POFUT3: variants seen among roughly 807,000 people sequenced by gnomAD.
The protein encoded by POFUT3 is protein O-fucosyltransferase 3.
At chr8:33,332,086 T>C in the POFUT3 span, among the ~76,000 whole-genome samples, 2 of 149,068 alleles carry the variant, frequency 1.3e-5, no homozygotes, top group Non-Finnish European at 3.0e-5. Context: ...GAGGCTGCAG[T>C]GAGCTATGAT....
the POFUT3 span, among the ~76,000 whole-genome samples, chr8:33,430,324 C>A: frequency 6.6e-6 from 1 of 152,042 alleles, no homozygotes; most frequent in African/African-American, 2.4e-5. Flanking sequence ...GGTGACTTAA[C>A]CAGGGAGTGC....
At chr8:33,433,986 G>A in the POFUT3 span, among the ~76,000 whole-genome samples, 13 of 149,746 alleles carry the variant, frequency 8.7e-5, no homozygotes, top group East Asian at 7.9e-4. Context: ...AAAAAAAGCC[G>A]GGTGCAGCGG....
chr8:33,407,895 CGG>C, the POFUT3 span, among the ~76,000 whole-genome samples: 1 of 148,030 alleles, frequency 6.8e-6, no homozygotes, highest in Non-Finnish European at 1.5e-5. Flanking sequence ...CACAGCTACT[CGG>C]GATCGGCCTG....
the POFUT3 span, chr8:33,453,087 G>A: frequency 1.3e-5 from 12 of 895,436 alleles, no homozygotes; most frequent in African/African-American, 2.0e-4. Flanking sequence ...CAGAGCAAAT[G>A]CAAAGGAAAT....
chr8:33,315,974 G>A, the POFUT3 span, among the ~76,000 whole-genome samples: 6 of 152,088 alleles, frequency 3.9e-5, no homozygotes, highest in Non-Finnish European at 8.8e-5. Flanking sequence ...GGCATTTCCT[G>A]ATACTGTCTA....
chr8:33,320,838 G>A, the POFUT3 span, among the ~76,000 whole-genome samples: 1 of 152,038 alleles, frequency 6.6e-6, no homozygotes, highest in Non-Finnish European at 1.5e-5. Context: ...TCAGACAAAA[G>A]CTACAAGGCT....
chr8:33,329,459 G>A, the POFUT3 span, among the ~76,000 whole-genome samples: 1 of 152,170 alleles, frequency 6.6e-6, no homozygotes, highest in African/African-American at 2.4e-5. Flanking sequence ...GAGCTGGAAA[G>A]CTGGAAATTG....
the POFUT3 span, among the ~76,000 whole-genome samples, chr8:33,376,412 T>C: frequency 4.6e-5 from 7 of 152,208 alleles, no homozygotes. Flanking sequence ...GAGGAGATAC[T>C]AGGAGTATTT....
the POFUT3 span, among the ~76,000 whole-genome samples, chr8:33,376,443 T>C: frequency 6.6e-6 from 1 of 152,144 alleles, no homozygotes; most frequent in Non-Finnish European, 1.5e-5. Context: ...GGTGATGACT[T>C]TGAGTGAACA....
the POFUT3 span, among the ~76,000 whole-genome samples, chr8:33,464,071 T>C: frequency 6.6e-6 from 1 of 152,174 alleles, no homozygotes; most frequent in Non-Finnish European, 1.5e-5. Context: ...TAGATCCTCA[T>C]GAGGCCTAAT....
chr8:33,370,099 A>C, the POFUT3 span, among the ~76,000 whole-genome samples: 4 of 135,586 alleles, frequency 3.0e-5, no homozygotes, highest in Non-Finnish European at 4.7e-5. Flanking sequence ...TAGGAGGCCG[A>C]GGTGGGTGGG....
At chr8:33,428,102 G>A in the POFUT3 span, among the ~76,000 whole-genome samples, 1 of 152,066 alleles carries the variant, frequency 6.6e-6, no homozygotes. Context: ...CCAGCCTGGC[G>A]ACAGAGCGAG....
At chr8:33,420,327 G>A in the POFUT3 span, among the ~76,000 whole-genome samples, 1,997 of 152,236 alleles carry the variant, frequency 0.013, 19 homozygotes, top group Middle Eastern at 0.02. Context: ...ATGTTGAGCA[G>A]TATTTTCAAA....
chr8:33,406,760 T>C, the POFUT3 span, among the ~76,000 whole-genome samples: 3 of 152,066 alleles, frequency 2.0e-5, no homozygotes, highest in Admixed American at 6.6e-5. Context: ...GACAGAGGTC[T>C]TGCCATGTTA....
chr8:33,405,477 G>A, the POFUT3 span, among the ~76,000 whole-genome samples: 4 of 150,578 alleles, frequency 2.7e-5, no homozygotes, highest in African/African-American at 9.9e-5. Context: ...TTGGCATTCA[G>A]TTATTCTTTA....
At chr8:33,323,879 A>ATGCTTTAG in the POFUT3 span, among the ~76,000 whole-genome samples, 1 of 152,144 alleles carries the variant, frequency 6.6e-6, no homozygotes, top group Non-Finnish European at 1.5e-5. Flanking sequence ...CCCCTCTTTC[A>ATGCTTTAG]TGCTTTAGTT....
the POFUT3 span, among the ~76,000 whole-genome samples, chr8:33,374,747 T>C: frequency 6.6e-6 from 1 of 152,198 alleles, no homozygotes; most frequent in African/African-American, 2.4e-5. Context: ...GTGTTTTTAG[T>C]AAAAGACAAT....
chr8:33,454,222 G>T, the POFUT3 span, among the ~76,000 whole-genome samples: 1 of 152,140 alleles, frequency 6.6e-6, no homozygotes, highest in Non-Finnish European at 1.5e-5. Flanking sequence ...AAGACCCAGG[G>T]GTCAGCAGGG....
chr8:33,434,507 C>T, the POFUT3 span, among the ~76,000 whole-genome samples: 4 of 152,186 alleles, frequency 2.6e-5, no homozygotes, highest in Admixed American at 2.6e-4. Flanking sequence ...TTTCATGACC[C>T]TGCTACCTAG....
Sources: allele counts gnomAD v4.1 joint callset (sites outside exome capture counted in the v4.1 genomes callset), GRCh38; gene constraint gnomAD v4.1.1; transcripts MANE v1.5; gene names NCBI Gene and HGNC (gene_info 2026-07-23, HGNC 2026-07-21).